DEPTOR: variants seen among roughly 807,000 people sequenced by gnomAD.
DEPTOR encodes the protein DEP domain containing MTOR interacting protein.
DEPTOR carries 41 observed loss-of-function variants against 41.6 expected under a neutral mutation model. The ratio of observed to expected loss-of-function variants is 0.98; its 90% CI spans 0.77 to 1.28. DEPTOR has a LOEUF of 1.28. DEPTOR is among the 50% of genes most tolerant of loss of function. The pLI, the probability that DEPTOR is intolerant of heterozygous loss-of-function variation, is 0.00. For synonymous variants in DEPTOR, 195 were observed against 192.3 expected, an observed-to-expected ratio of 1.01 and a Z score of -0.12; for missense variants, 514 against 527.9, an observed-to-expected ratio of 0.97 and a Z score of 0.26.
chr8:119,960,265 A>T (rs1267040357), intron 3 of DEPTOR, among the ~76,000 whole-genome samples: 2 of 152,094 alleles, frequency 1.3e-5, no homozygotes, highest in African/African-American at 4.8e-5. Context: ...AACAGTATAC[A>T]TTCATATACT....
At chr8:119,884,306 C>T (rs1827336103) in intron 1 of DEPTOR, among the ~76,000 whole-genome samples, 1 of 152,192 alleles carries the variant, frequency 6.6e-6, no homozygotes, top group African/African-American at 2.4e-5. Context: ...GATCTGCCCA[C>T]CTCGGCCTCC....
intron 3 of DEPTOR, among the ~76,000 whole-genome samples, chr8:119,947,383 C>G (rs1446433183): frequency 6.6e-6 from 1 of 152,184 alleles, no homozygotes; most frequent in Non-Finnish European, 1.5e-5. Context: ...TCTGCTTTTG[C>G]AAGCCATTCC....
At chr8:119,883,951 C>G (rs1220928737) in intron 1 of DEPTOR, among the ~76,000 whole-genome samples, 1 of 152,214 alleles carries the variant, frequency 6.6e-6, no homozygotes, top group East Asian at 1.9e-4. Flanking sequence ...AGGACTAGTC[C>G]TAGCACAGTA....
At chr8:119,912,363 A>G (rs1319753812) in intron 1 of DEPTOR, among the ~76,000 whole-genome samples, 1 of 152,234 alleles carries the variant, frequency 6.6e-6, no homozygotes, top group Non-Finnish European at 1.5e-5. Context: ...CACCTGTTTC[A>G]GTTACATAAT....
At chr8:119,967,815 C>T (rs975775629) in intron 4 of DEPTOR, among the ~76,000 whole-genome samples, 2 of 149,860 alleles carry the variant, frequency 1.3e-5, no homozygotes, top group African/African-American at 4.9e-5. Context: ...TTTAGATATA[C>T]ACTATAAAAC....
chr8:119,917,298 A>G (rs1827826202), intron 1 of DEPTOR, among the ~76,000 whole-genome samples: 1 of 152,244 alleles, frequency 6.6e-6, no homozygotes, highest in Non-Finnish European at 1.5e-5. Context: ...AGTACATGAT[A>G]TATGAGATTC....
At chr8:119,928,797 G>A (rs1441422294) in intron 2 of DEPTOR, among the ~76,000 whole-genome samples, 1 of 144,420 alleles carries the variant, frequency 6.9e-6, no homozygotes, top group Non-Finnish European at 1.5e-5. Context: ...CACCCTGTTG[G>A]TCAGGCTGGT....
intron 1 of DEPTOR, among the ~76,000 whole-genome samples, chr8:119,882,255 A>G (rs1827307725): frequency 6.6e-6 from 1 of 152,190 alleles, no homozygotes; most frequent in Non-Finnish European, 1.5e-5. Context: ...CTTTGGAATC[A>G]ATAAAACTGA....
At chr8:119,979,180 C>T (rs555326828) in intron 4 of DEPTOR, among the ~76,000 whole-genome samples, 1 of 152,290 alleles carries the variant, frequency 6.6e-6, no homozygotes, top group African/African-American at 2.4e-5. Context: ...GATTAATATT[C>T]ATAATCAGTT....
intron 8 of DEPTOR, among the ~76,000 whole-genome samples, chr8:120,043,861 A>G (rs1443475204): frequency 1.3e-5 from 2 of 151,758 alleles, no homozygotes; most frequent in Non-Finnish European, 2.9e-5. Context: ...AAAATACAAA[A>G]ATTAGCTGGG....
At chr8:119,988,413 C>T (rs187015357) in intron 4 of DEPTOR, among the ~76,000 whole-genome samples, 28 of 152,312 alleles carry the variant, frequency 1.8e-4, no homozygotes, top group Non-Finnish European at 2.8e-4. Flanking sequence ...CCACCTTCTG[C>T]GTTGATCTCA....
intron 4 of DEPTOR, among the ~76,000 whole-genome samples, chr8:119,994,603 G>A (rs557744879): frequency 2.6e-5 from 4 of 152,140 alleles, no homozygotes; most frequent in African/African-American, 7.2e-5. Context: ...CAAACTGCTC[G>A]GAGAAGGGCA....
chr8:119,997,241 G>A (rs1357777297), intron 4 of DEPTOR, among the ~76,000 whole-genome samples: 3 of 152,022 alleles, frequency 2.0e-5, no homozygotes, highest in Admixed American at 2.0e-4. Context: ...ATTCACTGAT[G>A]ACTGGTTGAT....
intron 8 of DEPTOR, among the ~76,000 whole-genome samples, chr8:120,031,017 C>T (rs1022267506): frequency 6.6e-6 from 1 of 152,096 alleles, no homozygotes; most frequent in African/African-American, 2.4e-5. Context: ...CTAAAACTAT[C>T]TTAAAAAATA....
intron 1 of DEPTOR, among the ~76,000 whole-genome samples, chr8:119,875,803 G>T (rs902868390): frequency 6.6e-6 from 1 of 152,220 alleles, no homozygotes; most frequent in Non-Finnish European, 1.5e-5. Context: ...GCACCACAGG[G>T]TGGATAGGCA....
At chr8:119,980,916 A>C (rs1346896112) in intron 4 of DEPTOR, among the ~76,000 whole-genome samples, 1 of 152,136 alleles carries the variant, frequency 6.6e-6, no homozygotes, top group Middle Eastern at 3.2e-3. Context: ...GGACATCCAT[A>C]TAAAGTGGGT....
intron 1 of DEPTOR, among the ~76,000 whole-genome samples, chr8:119,927,849 C>G (rs1356155260): frequency 6.6e-6 from 1 of 151,926 alleles, no homozygotes; most frequent in Non-Finnish European, 1.5e-5. Flanking sequence ...TCAAGTGATC[C>G]TCCTGCCTCA....
chr8:119,989,414 G>A (rs1828870686), intron 4 of DEPTOR, among the ~76,000 whole-genome samples: 1 of 152,166 alleles, frequency 6.6e-6, no homozygotes, highest in Non-Finnish European at 1.5e-5. Context: ...AAGCTTGTCT[G>A]CCTCCTCGTT....
At chr8:120,008,715 T>C (rs1812486445) in intron 7 of DEPTOR, among the ~76,000 whole-genome samples, 2 of 152,122 alleles carry the variant, frequency 1.3e-5, no homozygotes, top group African/African-American at 4.8e-5. Context: ...TTCTAAACCT[T>C]CTATTGGAGT....
Sources: allele counts gnomAD v4.1 joint callset (sites outside exome capture counted in the v4.1 genomes callset), GRCh38; gene constraint gnomAD v4.1.1; transcripts MANE v1.5; gene names NCBI Gene and HGNC (gene_info 2026-07-23, HGNC 2026-07-21).